DIAPH2: variants seen among roughly 807,000 people sequenced by gnomAD.
DIAPH2 encodes protein diaphanous homolog 2.
A neutral mutation model predicts 92.7 loss-of-function variants in DIAPH2; 35 were observed. The ratio of observed to expected loss-of-function variants is 0.38; its 90% CI spans 0.29 to 0.50. The LOEUF (loss-of-function observed/expected upper bound fraction) is 0.50, where lower values mean the gene tolerates loss of function less well. Among genes scored for constraint, DIAPH2 ranks in the 20% least tolerant of loss-of-function variants. The probability of loss-of-function intolerance (pLI) is 0.94; values close to 1 mark genes in which losing one functional copy is unlikely to be tolerated. For missense variants in DIAPH2, 701 were observed against 819.5 expected (o/e 0.86, Z 1.77); for synonymous variants, 301 against 280.4 (o/e 1.07, Z -0.73).
intron 23 of DIAPH2, among the ~76,000 whole-genome samples, chrX:97,275,404 T>A (rs1407906389): frequency 1.0e-5 from 1 of 96,874 alleles, no homozygotes; most frequent in Non-Finnish European, 2.1e-5. Flanking sequence ...GTGGGGCGGC[T>A]GGCCAGGCGG....
At chrX:97,097,954 A>G (rs752714550) in intron 19 of DIAPH2, among the ~76,000 whole-genome samples, 3 of 112,111 alleles carry the variant, frequency 2.7e-5, no homozygotes, top group African/African-American at 9.7e-5. Flanking sequence ...CAGTATTCAT[A>G]TATGTGGTTA....
At chrX:96,791,793 A>T (rs2064504055) in intron 4 of DIAPH2, among the ~76,000 whole-genome samples, 1 of 110,804 alleles carries the variant, frequency 9.0e-6, no homozygotes, top group Admixed American at 9.7e-5. Context: ...AGGCAATGTG[A>T]TAAATGTTTT....
At chrX:97,076,176 C>T (rs776162144) in intron 19 of DIAPH2, among the ~76,000 whole-genome samples, 30 of 111,946 alleles carry the variant, frequency 2.7e-4, no homozygotes, top group Non-Finnish European at 5.1e-4. Flanking sequence ...GTAGTTTTTT[C>T]TGTTTTTCTT....
At chrX:97,415,601 G>A (rs1231341345) in intron 25 of DIAPH2, among the ~76,000 whole-genome samples, 3 of 108,291 alleles carry the variant, frequency 2.8e-5, no homozygotes, top group Non-Finnish European at 5.7e-5. Flanking sequence ...AGTATCACAG[G>A]GACAGAAAAC....
rs865885709 is a variant in DIAPH2 at position 97,187,281 on chromosome X, C to T, written c.2719+45487C>T. On this transcript the variant is annotated intron_variant, in intron 22 of 26. Coordinates refer to ENST00000324765, the MANE Select transcript of DIAPH2 (RefSeq NM_006729.5). ...AGGGATTGAAGACTAATTAAGTAGC[C>T]TTTTTTTTTTTTTTTTTTTTTTTGC... Among the ~76,000 whole-genome samples, 191 of 36,885 alleles carry T rather than the reference C, an allele frequency of 5.2e-3. 2 individuals are homozygous for T. Among genetic ancestry groups the T allele is most frequent in the African/African-American group, 0.018 (172 of 9,670 alleles). 32.0% of individuals were successfully genotyped at this position (36,885 alleles called of 115,157 possible).
At chrX:97,273,016 A>T (rs1266371144) in intron 23 of DIAPH2, among the ~76,000 whole-genome samples, 1 of 111,461 alleles carries the variant, frequency 9.0e-6, no homozygotes, top group African/African-American at 3.3e-5. Flanking sequence ...TTAGCTGGGC[A>T]TGGTGGCACA....
In DIAPH2 at chrX:97,114,707, G is replaced by A; in HGVS notation, c.2350-19G>A. On this transcript the variant is annotated intron_variant, in intron 20 of 26. Transcript: ENST00000324765. ...AGGCATTAAATGTATATTCTCATAG[G>A]GTATTTCTTATCTTACAGATGAGCT... 1 of 1,188,316 alleles carries A rather than the reference G, an allele frequency of 8.4e-7. No homozygotes were observed.
intron 17 of DIAPH2, among the ~76,000 whole-genome samples, chrX:97,000,741 C>T (rs1353282092): frequency 9.0e-6 from 1 of 111,516 alleles, no homozygotes; most frequent in African/African-American, 3.3e-5. Context: ...TTAGTATTTT[C>T]CCAAAGATTA....
chrX:96,833,473 T>C (rs940675418), intron 4 of DIAPH2, among the ~76,000 whole-genome samples: 5 of 111,279 alleles, frequency 4.5e-5, no homozygotes, highest in Non-Finnish European at 1.9e-5. Flanking sequence ...ATGAGTTGCA[T>C]AATGCTTACA....
intron 26 of DIAPH2, among the ~76,000 whole-genome samples, chrX:97,499,471 A>C (rs2070780477): frequency 8.9e-6 from 1 of 111,804 alleles, no homozygotes; most frequent in Non-Finnish European, 1.9e-5. Flanking sequence ...AGGTATATTG[A>C]ATGGTGAGAT....
chrX:97,157,101 G>C (rs1447957225), intron 22 of DIAPH2, among the ~76,000 whole-genome samples: 1 of 110,801 alleles, frequency 9.0e-6, no homozygotes, highest in East Asian at 2.8e-4. Context: ...GATCACTTGA[G>C]GTTGAGACTT....
At chrX:97,506,331 A>G (rs1361918855) in intron 26 of DIAPH2, among the ~76,000 whole-genome samples, 1 of 106,312 alleles carries the variant, frequency 9.4e-6, no homozygotes, top group Non-Finnish European at 1.9e-5. Context: ...TGCATTTTTT[A>G]GTAGAGATGG....
chrX:97,197,500 G>C (rs1306472592), intron 22 of DIAPH2, among the ~76,000 whole-genome samples: 1 of 112,117 alleles, frequency 8.9e-6, no homozygotes, highest in Non-Finnish European at 1.9e-5. Flanking sequence ...TCTCATATAA[G>C]GTAGAGTGTA....
At chrX:96,894,910 A>T (rs1293977168) in intron 5 of DIAPH2, among the ~76,000 whole-genome samples, 1 of 110,342 alleles carries the variant, frequency 9.1e-6, no homozygotes, top group Non-Finnish European at 1.9e-5. Context: ...TTAAGAATAA[A>T]TCGCTATAGA....
At chrX:96,804,323 G>A (rs1216917823) in intron 4 of DIAPH2, among the ~76,000 whole-genome samples, 1 of 111,677 alleles carries the variant, frequency 9.0e-6, no homozygotes, top group Non-Finnish European at 1.9e-5. Flanking sequence ...AATATCCAAA[G>A]TAAAACTCAA....
intron 22 of DIAPH2, among the ~76,000 whole-genome samples, chrX:97,161,222 C>T (rs2067370030): frequency 9.1e-6 from 1 of 109,530 alleles, no homozygotes; most frequent in African/African-American, 3.3e-5. Flanking sequence ...AGGTACATGA[C>T]TTATGTGAGC....
At chrX:97,450,827 G>A (rs756006310) in intron 26 of DIAPH2, among the ~76,000 whole-genome samples, 85 of 108,753 alleles carry the variant, frequency 7.8e-4, no homozygotes, top group African/African-American at 2.7e-3. Flanking sequence ...AAGATGTACT[G>A]TCCATTTTGA....
At chrX:96,901,866 G>C (rs923493855) in intron 5 of DIAPH2, among the ~76,000 whole-genome samples, 1 of 110,685 alleles carries the variant, frequency 9.0e-6, no homozygotes, top group Non-Finnish European at 1.9e-5. Context: ...AGTTACTTGA[G>C]GTGTGACATT....
intron 4 of DIAPH2, among the ~76,000 whole-genome samples, chrX:96,854,598 CAT>C (rs57209486): frequency 0.18 from 6,454 of 36,801 alleles, 602 homozygotes; most frequent in Middle Eastern, 0.25. Context: ...CTCTCTCTCT[CAT>C]ATATATATAT....
Sources: allele counts gnomAD v4.1 joint callset (sites outside exome capture counted in the v4.1 genomes callset), GRCh38; gene constraint gnomAD v4.1.1; transcripts MANE v1.5; gene names NCBI Gene and HGNC (gene_info 2026-07-23, HGNC 2026-07-21).